Variants in ZBTB16 observed in about 807,000 individuals in gnomAD.
ZBTB16 encodes the protein zinc finger and BTB domain containing 16.
A neutral mutation model predicts 56.8 loss-of-function variants in ZBTB16; 8 were observed. The ratio of observed to expected loss-of-function variants is 0.14; its 90% CI spans 0.08 to 0.25. ZBTB16 has a LOEUF of 0.25. Ranked by LOEUF, ZBTB16 falls within the 10% of genes least tolerant of loss-of-function variation. ZBTB16 has a pLI of 1.00. For synonymous variants in ZBTB16, 363 were observed against 368.5 expected, an observed-to-expected ratio of 0.98 and a Z score of 0.17; for missense variants, 625 against 903.0, an observed-to-expected ratio of 0.69 and a Z score of 3.95.
chr11:114,174,862 C>T (rs888809448), intron 3 of ZBTB16, among the ~76,000 whole-genome samples: 6 of 152,152 alleles, frequency 3.9e-5, no homozygotes, highest in African/African-American at 1.4e-4. Context: ...CAAAGACATC[C>T]AGGTCAAGCT....
chr11:114,131,020 C>T (rs1941644475), intron 2 of ZBTB16, among the ~76,000 whole-genome samples: 1 of 152,176 alleles, frequency 6.6e-6, no homozygotes, highest in Admixed American at 6.5e-5. Flanking sequence ...GTTTCATGAT[C>T]TTGCAGCACA....
chr11:114,165,521 G>A (rs1320041570), intron 3 of ZBTB16, among the ~76,000 whole-genome samples: 1 of 152,222 alleles, frequency 6.6e-6, no homozygotes, highest in Non-Finnish European at 1.5e-5. Flanking sequence ...TGCACTGATA[G>A]TATCTGTCAA....
intron 3 of ZBTB16, among the ~76,000 whole-genome samples, chr11:114,158,905 C>T (rs943018701): frequency 2.4e-4 from 36 of 152,220 alleles, no homozygotes; most frequent in African/African-American, 8.0e-4. Context: ...CTCCTCTCTC[C>T]GGACAAGTCC....
chr11:114,253,827 G>T lies in ZBTB16; in HGVS notation c.*3272G>T, dbSNP rs1233950606. Among the ~76,000 whole-genome samples the T allele has an allele frequency of 6.6e-6, 1 of 152,222 alleles. No homozygotes were observed. The highest frequency in any genetic ancestry group is 6.5e-5 in the Admixed American group (1 of 15,284). On this transcript the variant is annotated 3_prime_UTR_variant, in exon 7 of 7. Transcript: ENST00000335953. ...TCTGGAGGCTTTATATGTGTCTGGA[G>T]TTAAGGGGAGAGGAGGAGGGTAGAC...
intron 4 of ZBTB16, among the ~76,000 whole-genome samples, chr11:114,192,683 A>C (rs1050473102): frequency 6.6e-6 from 1 of 152,174 alleles, no homozygotes; most frequent in Non-Finnish European, 1.5e-5. Context: ...TTATAGAGAA[A>C]GTGACCTGGC....
intron 2 of ZBTB16, among the ~76,000 whole-genome samples, chr11:114,129,094 C>T (rs543338693): frequency 6.6e-6 from 1 of 152,292 alleles, no homozygotes; most frequent in South Asian, 2.1e-4. Flanking sequence ...AGCCCAGAAC[C>T]CACTTGGCAC....
intron 2 of ZBTB16, among the ~76,000 whole-genome samples, chr11:114,114,029 A>C (rs1313881881): frequency 2.0e-5 from 3 of 152,220 alleles, no homozygotes; most frequent in Non-Finnish European, 4.4e-5. Context: ...GTAGGGATAA[A>C]AACTCATCCC....
chr11:114,249,116 A>T (rs888147484), intron 6 of ZBTB16, among the ~76,000 whole-genome samples: 3 of 129,156 alleles, frequency 2.3e-5, no homozygotes, highest in African/African-American at 8.5e-5. Context: ...CCCCACCCCC[A>T]ATTCCAGCCT....
At chr11:114,180,402 G>A (rs181653452) in intron 3 of ZBTB16, among the ~76,000 whole-genome samples, 1 of 152,220 alleles carries the variant, frequency 6.6e-6, no homozygotes, top group Non-Finnish European at 1.5e-5. Context: ...CACTGCCTGG[G>A]GGGCAGGAGG....
At chr11:114,124,144 T>C (rs1198094384) in intron 2 of ZBTB16, among the ~76,000 whole-genome samples, 1 of 152,182 alleles carries the variant, frequency 6.6e-6, no homozygotes, top group Admixed American at 6.5e-5. Flanking sequence ...GACATCTGTG[T>C]CATGTTTGCT....
chr11:114,242,058 A>G, intron 4 of ZBTB16, 109 bp from the exon 5 acceptor site: 3 of 1,433,200 alleles, frequency 2.1e-6, no homozygotes, highest in Non-Finnish European at 1.9e-6. Context: ...GCCCCTGAGC[A>G]TGGGGATTTG....
intron 2 of ZBTB16, among the ~76,000 whole-genome samples, chr11:114,102,232 A>G (rs1940634374): frequency 6.6e-6 from 1 of 152,084 alleles, no homozygotes; most frequent in Admixed American, 6.5e-5. Flanking sequence ...GAAAAAAAAA[A>G]TCCTTAACCA....
At chr11:114,117,749 G>T (rs1356602481) in intron 2 of ZBTB16, among the ~76,000 whole-genome samples, 1 of 152,192 alleles carries the variant, frequency 6.6e-6, no homozygotes, top group Non-Finnish European at 1.5e-5. Context: ...AGCAGAAGTT[G>T]TCAGTATACT....
chr11:114,144,712 G>A (rs1023968907), intron 2 of ZBTB16, among the ~76,000 whole-genome samples: 10 of 152,182 alleles, frequency 6.6e-5, no homozygotes, highest in Non-Finnish European at 1.0e-4. Context: ...TTGTTCATGC[G>A]TTTATGTTTT....
chr11:114,215,255 C>T lies in ZBTB16; in HGVS notation c.1454-26912C>T, dbSNP rs866610745. On this transcript the variant is annotated intron_variant, in intron 4 of 6. Transcript: ENST00000335953. ...GTCTGGACCTACACTGGCTGCCTGC[C>T]GTAAAATAACTTGTTTTAGAAGTTG... Among the ~76,000 whole-genome samples the T allele has an allele frequency of 5.3e-5, 8 of 152,164 alleles. No individual in the cohort carries two copies. The South Asian group carries it at 8.3e-4, about 16-fold the overall frequency.
At chr11:114,101,246 C>A (rs1940599732) in intron 2 of ZBTB16, among the ~76,000 whole-genome samples, 1 of 152,164 alleles carries the variant, frequency 6.6e-6, no homozygotes, top group South Asian at 2.1e-4. Context: ...CTCAAACAAT[C>A]TTCCCTCCTT....
In ZBTB16 at chr11:114,063,393, G is replaced by A; in HGVS notation, c.93G>A (p.Gly31=). The A allele has an allele frequency of 6.2e-7, 1 of 1,614,154 alleles. No homozygotes were observed. Among genetic ancestry groups the A allele is most frequent in the Non-Finnish European group, 8.5e-7 (1 of 1,180,050 alleles). The part of the protein sequence containing the change: ...LCKANQMRLA[G]TLCDVVIMVD... ...AGGCCAACCAGATGCGGCTGGCCGG[G>A]ACTTTGTGCGATGTGGTCATCATGG... Residue 31 remains glycine (G), a synonymous_variant, in exon 2 of 7, where the codon GGG becomes GGA. Transcript: ENST00000335953. The surrounding 1 kb of genome is among the most constrained non-coding windows in gnomAD (Gnocchi z 6.5).
intron 2 of ZBTB16, among the ~76,000 whole-genome samples, chr11:114,074,987 C>G (rs141761455): frequency 6.6e-6 from 1 of 152,038 alleles, no homozygotes; most frequent in African/African-American, 2.4e-5. Context: ...GTGACAGAGC[C>G]GTGTTGTGAG....
Position 114,251,601 on chromosome 11 carries a change from G to T in ZBTB16, c.*1046G>T, listed in dbSNP as rs529390257. ...ACCTGGAAAAGAGGACACCCAGCCC[G>T]TGGGATGAGGGAAGCTGGGCAAGGG... On this transcript the variant is annotated 3_prime_UTR_variant, in exon 7 of 7. Coordinates refer to ENST00000335953, the MANE Select transcript of ZBTB16 (RefSeq NM_006006.6). 6.6e-6 allele frequency among the ~76,000 whole-genome samples: 1 copy of T among 152,194 alleles called. No homozygotes were observed. Among genetic ancestry groups the T allele is most frequent in the African/African-American group, 2.4e-5 (1 of 41,442 alleles).
Sources: gnomAD v4.1 joint callset for allele counts (sites outside exome capture counted in the v4.1 genomes callset) on GRCh38, gnomAD v4.1.1 for gene constraint, Gnocchi (gnomAD v3.1) non-coding constraint, MANE v1.5 for transcripts, NCBI Gene and HGNC (gene_info 2026-07-23, HGNC 2026-07-21) for gene names.